SMARCA2: variants seen among roughly 807,000 people sequenced by gnomAD.
The protein encoded by SMARCA2 is SWI/SNF-related matrix-associated actin-dependent regulator of chromatin subfamily A member 2.
SMARCA2 carries 61 observed loss-of-function variants against 199.8 expected under a neutral mutation model. The ratio of observed to expected loss-of-function variants is 0.31; its 90% CI spans 0.25 to 0.38. SMARCA2 has a LOEUF of 0.38. Ranked by LOEUF, SMARCA2 falls within the 10% of genes least tolerant of loss-of-function variation. SMARCA2 has a pLI of 1.00. For synonymous variants in SMARCA2, 935 were observed against 732.0 expected (o/e 1.28, Z -4.48); for missense variants, 1,344 against 2,012.2 (o/e 0.67, Z 6.35).
intron 28 of SMARCA2, among the ~76,000 whole-genome samples, chr9:2,163,143 G>A (rs977229707): frequency 6.6e-6 from 1 of 152,226 alleles, no homozygotes; most frequent in Admixed American, 6.5e-5. Context: ...GGGTTTTGCT[G>A]TTAAGCCTTT....
At chr9:2,057,899 C>CT (rs1417209129) in intron 7 of SMARCA2, among the ~76,000 whole-genome samples, 2 of 152,134 alleles carry the variant, frequency 1.3e-5, no homozygotes, top group Non-Finnish European at 2.9e-5. Flanking sequence ...AAAAACATTA[C>CT]TTTTGTGACA....
chr9:2,110,258 C>G lies in SMARCA2; in HGVS notation c.3297C>G (p.Thr1099=), dbSNP rs1229509713. The change falls in exon 24 of 34, where the codon ACC becomes ACG. Residue 1099 remains threonine (T), a synonymous_variant. Coordinates refer to ENST00000349721, the MANE Select transcript of SMARCA2 (RefSeq NM_003070.5). The surrounding 1 kb of genome is among the most constrained non-coding windows in gnomAD (Gnocchi z 4.8). ...TAATTTTTCTGATCCCCTCAGGCAC[C>G]ACCAAGTCTGAAGATCGTGCTGCTT... ...RNFLYLRLDG[T]TKSEDRAALL... is the part of the protein sequence containing the mutation. 1.9e-6 allele frequency: 3 copies of G among 1,609,798 alleles called. No homozygotes were observed. Among genetic ancestry groups the G allele is most frequent in the Non-Finnish European group, 2.5e-6 (3 of 1,178,260 alleles).
chr9:2,075,536 T>A (rs991400794), intron 12 of SMARCA2: 10 of 152,332 alleles, frequency 6.6e-5, no homozygotes, highest in African/African-American at 2.4e-4. Context: ...CTCTGCAATG[T>A]GTGATGTGAA....
Position 2,015,382 on chromosome 9 carries a change from C to G in SMARCA2, c.-59C>G, listed in dbSNP as rs1340764078. 6.6e-6 allele frequency: 1 copy of G among 152,452 alleles called. No homozygotes were observed. Among genetic ancestry groups the G allele is most frequent in the Non-Finnish European group, 1.5e-5 (1 of 68,210 alleles). 9.4% of individuals were successfully genotyped at this position (152,452 alleles called of 1,614,324 possible). ...TGACTCAGAGAGGGAAGAGATTCAG[C>G]CAGCACACTCCTCGCGAGCAAGGTA... On this transcript the variant is annotated 5_prime_UTR_variant, in exon 1 of 34. Transcript: ENST00000349721.
At chr9:2,190,801 A>C (rs1827825627) in intron 32 of SMARCA2, among the ~76,000 whole-genome samples, 1 of 152,228 alleles carries the variant, frequency 6.6e-6, no homozygotes, top group African/African-American at 2.4e-5. Context: ...CTTTATGTTA[A>C]AAATATGATT....
At chr9:2,054,752 A>T (rs756877375) in intron 6 of SMARCA2, 29 bp downstream of exon 6, 6 of 1,611,676 alleles carry the variant, frequency 3.7e-6, no homozygotes, top group Non-Finnish European at 5.1e-6. Flanking sequence ...TGAATCTGAG[A>T]TGTAGGAAAT....
chr9:2,163,056 G>C (rs1825764716), intron 28 of SMARCA2: 1 of 152,162 alleles, frequency 6.6e-6, no homozygotes. Flanking sequence ...TTATGGCTTT[G>C]CCGAATACAT....
At chr9:2,091,533 C>G (rs943125133) in intron 19 of SMARCA2, among the ~76,000 whole-genome samples, 2 of 151,734 alleles carry the variant, frequency 1.3e-5, no homozygotes, top group African/African-American at 4.9e-5. Context: ...TAGTTTTTGA[C>G]AATTATGAAT....
intron 2 of SMARCA2, among the ~76,000 whole-genome samples, chr9:2,030,729 G>A (rs1015656252): frequency 6.6e-6 from 1 of 152,014 alleles, no homozygotes; most frequent in Non-Finnish European, 1.5e-5. Context: ...GCCCAGTCAA[G>A]TTGACACATA....
intron 10 of SMARCA2, among the ~76,000 whole-genome samples, chr9:2,071,841 T>C (rs564968902): frequency 1.3e-5 from 2 of 152,342 alleles, no homozygotes; most frequent in South Asian, 4.1e-4. Context: ...TCCTTCTTTA[T>C]CTCTTGAGTA....
At position 2,054,750 on chromosome 9, in the gene SMARCA2, A is replaced by C. The variant is rs904009748; in HGVS notation, c.1173+27A>C. 8.1e-6 allele frequency: 13 copies of C among 1,612,076 alleles called. No homozygotes were observed. The Middle Eastern group carries it at 5.0e-4, about 61-fold the overall frequency. On this transcript the variant is annotated intron_variant, in intron 6 of 33. Transcript: ENST00000349721. ...TAATACATTTTCCCCAGTGAATCTG[A>C]GATGTAGGAAATAAATGTAATTGTT... is the stretch of plus-strand genomic sequence containing the variant.
chr9:2,182,087 G>A (rs1263303093), intron 30 of SMARCA2, 54 bp from the exon 31 acceptor site: 12 of 1,129,556 alleles, frequency 1.1e-5, no homozygotes, highest in Admixed American at 1.7e-5. Context: ...AGTAATGATC[G>A]CTGAATTTTC....
chr9:2,078,837 C>T (rs1000553385), intron 14 of SMARCA2, among the ~76,000 whole-genome samples: 4 of 151,800 alleles, frequency 2.6e-5, no homozygotes, highest in East Asian at 1.9e-4. Context: ...CCCAGCTACT[C>T]GGGAAGCTGA....
Position 2,086,951 on chromosome 9 carries a change from G to C in SMARCA2, c.2649G>C (p.Pro883=). ...GAAGGATCCTCTTGACTGGGACCCC[G>C]CTGCAGAATAAGCTCCCTGAACTCT... ...APRRILLTGT[P]LQNKLPELWA... Residue 883 remains proline (P), a synonymous_variant, in exon 18 of 34, where the codon CCG becomes CCC. Coordinates refer to ENST00000349721, the MANE Select transcript of SMARCA2 (RefSeq NM_003070.5). This position sits in a 1 kb window ranked among gnomAD's most constrained non-coding sequence, Gnocchi z 4.3. The C allele has an allele frequency of 6.2e-7, 1 of 1,614,120 alleles. No homozygotes were observed. Among genetic ancestry groups the C allele is most frequent in the Non-Finnish European group, 8.5e-7 (1 of 1,179,998 alleles).
intron 27 of SMARCA2, among the ~76,000 whole-genome samples, chr9:2,146,539 C>T (rs190932026): frequency 3.7e-4 from 57 of 152,214 alleles, no homozygotes; most frequent in African/African-American, 1.4e-3. Flanking sequence ...ATCCAGATCC[C>T]AAGAGAGGGT....
At chr9:2,163,612 A>G (rs1825795515) in intron 28 of SMARCA2, among the ~76,000 whole-genome samples, 2 of 152,234 alleles carry the variant, frequency 1.3e-5, no homozygotes, top group South Asian at 2.1e-4. Context: ...AGTAGAGAGC[A>G]TCACTCTGTA....
intron 25 of SMARCA2, among the ~76,000 whole-genome samples, chr9:2,116,698 A>G (rs1359613938): frequency 2.6e-5 from 4 of 152,180 alleles, no homozygotes; most frequent in Non-Finnish European, 5.9e-5. Flanking sequence ...CATTTGTATT[A>G]TTTTTAGATT....
chr9:2,183,323 A>G (rs1301298885), intron 31 of SMARCA2, among the ~76,000 whole-genome samples: 2 of 152,222 alleles, frequency 1.3e-5, no homozygotes, highest in Non-Finnish European at 2.9e-5. Context: ...CCTTTTTATC[A>G]GCCCAATTGC....
chr9:2,191,686 T>C, intron 33 of SMARCA2: 1 of 284,070 alleles, frequency 3.5e-6, no homozygotes, highest in Non-Finnish European at 6.6e-6. Flanking sequence ...ACATGCTTTC[T>C]TATAAATATG....
Sources: allele counts gnomAD v4.1 joint callset (sites outside exome capture counted in the v4.1 genomes callset), GRCh38; gene constraint gnomAD v4.1.1; non-coding constraint Gnocchi (gnomAD v3.1); transcripts MANE v1.5; gene names NCBI Gene and HGNC (gene_info 2026-07-23, HGNC 2026-07-21).